Variants in ABHD12 observed in about 807,000 individuals in gnomAD.
The protein encoded by ABHD12 is lysophosphatidylserine lipase ABHD12.
ABHD12 carries 43 observed loss-of-function variants against 58.3 expected under a neutral mutation model. The observed-to-expected ratio is 0.74, with a 90% CI of 0.58 to 0.95. The LOEUF (loss-of-function observed/expected upper bound fraction) is 0.95, where lower values mean the gene tolerates loss of function less well. Ranked by LOEUF, ABHD12 falls within the 40% of genes least tolerant of loss-of-function variation. The probability of loss-of-function intolerance (pLI) is 0.00; values close to 1 mark genes in which losing one functional copy is unlikely to be tolerated. For synonymous variants in ABHD12, 219 were observed against 211.2 expected, an observed-to-expected ratio of 1.04 and a Z score of -0.32; for missense variants, 539 against 537.2, an observed-to-expected ratio of 1.00 and a Z score of -0.03.
chr20:25,359,730 T>C (rs1485331165), intron 1 of ABHD12, among the ~76,000 whole-genome samples: 1 of 151,784 alleles, frequency 6.6e-6, no homozygotes, highest in Non-Finnish European at 1.5e-5. Flanking sequence ...CCACCATGCC[T>C]GCTGAGTTTT....
intron 5 of ABHD12, among the ~76,000 whole-genome samples, chr20:25,315,699 A>G (rs2500433): frequency 0.62 from 93,848 of 152,022 alleles, 30,555 homozygotes; most frequent in African/African-American, 0.79. Context: ...CCTCAGCAGG[A>G]TGAATCATTT....
chr20:25,368,338 G>C (rs1403895472), intron 1 of ABHD12: 2 of 1,545,292 alleles, frequency 1.3e-6, no homozygotes, highest in Non-Finnish European at 1.8e-6. Context: ...TGGAACCACA[G>C]CGCTCCATGG....
chr20:25,315,099 T>C, intron 5 of ABHD12, 129 bp from the exon 6 acceptor site: 4 of 943,500 alleles, frequency 4.2e-6, no homozygotes, highest in Non-Finnish European at 5.1e-6. Flanking sequence ...TCATAAAGAC[T>C]GTGACATGCT....
intron 1 of ABHD12, among the ~76,000 whole-genome samples, chr20:25,377,196 T>C (rs190313025): frequency 1.3e-5 from 2 of 152,304 alleles, no homozygotes; most frequent in East Asian, 3.9e-4. Flanking sequence ...TGGCAGTCTT[T>C]TTTGCTTGCC....
At chr20:25,376,683 C>T (rs1273119532) in intron 1 of ABHD12, among the ~76,000 whole-genome samples, 3 of 152,134 alleles carry the variant, frequency 2.0e-5, no homozygotes, top group Non-Finnish European at 4.4e-5. Flanking sequence ...TCTTTGTTGC[C>T]GTGTTTCTCC....
At chr20:25,368,630 C>T in intron 1 of ABHD12, 2 of 1,371,502 alleles carry the variant, frequency 1.5e-6, no homozygotes, top group Non-Finnish European at 1.0e-6. Context: ...CCCTTAAAAC[C>T]AAATCCTTTC....
intron 3 of ABHD12, among the ~76,000 whole-genome samples, chr20:25,322,371 A>ATT (rs2089084287): frequency 4.2e-5 from 2 of 47,976 alleles, no homozygotes; most frequent in Non-Finnish European, 8.1e-5. Flanking sequence ...AGATATATAT[A>ATT]TATATATATA....
chr20:25,377,882 T>C (rs571870174), intron 1 of ABHD12, among the ~76,000 whole-genome samples: 86 of 152,220 alleles, frequency 5.6e-4, no homozygotes, highest in African/African-American at 1.9e-3. Flanking sequence ...ATTTTTAGGA[T>C]AGACGGGGTT....
At chr20:25,299,172 G>GC (rs2088595642), downstream of ABHD12, among the ~76,000 whole-genome samples, 1 of 152,240 alleles carries the variant, frequency 6.6e-6, no homozygotes, top group African/African-American at 2.4e-5. Flanking sequence ...AGAGGCCAAG[G>GC]CAGGAGGATT....
At chr20:25,383,954 CAAAAAAAAA>C (rs1201588127) in intron 1 of ABHD12, among the ~76,000 whole-genome samples, 119 of 53,364 alleles carry the variant, frequency 2.2e-3, no homozygotes, top group African/African-American at 5.8e-3. Context: ...GACTCTTTCT[CAAAAAAAAA>C]AAAAAAAAAA....
intron 1 of ABHD12, among the ~76,000 whole-genome samples, chr20:25,356,782 T>C (rs1182861536): frequency 6.6e-6 from 1 of 152,030 alleles, no homozygotes; most frequent in Non-Finnish European, 1.5e-5. Context: ...GCTGTGCATA[T>C]GAATGAGGCA....
chr20:25,346,668 G>A (rs998626229), intron 1 of ABHD12, among the ~76,000 whole-genome samples: 32 of 152,162 alleles, frequency 2.1e-4, no homozygotes, highest in Non-Finnish European at 4.4e-5. Flanking sequence ...ATTTTGAGAC[G>A]GAGCCTTGCT....
chr20:25,316,942 A>G lies in ABHD12; in HGVS notation c.573+106T>C, dbSNP rs1168630490. 2.9e-6 allele frequency: 3 copies of G among 1,047,858 alleles called. 1 individual carries two copies. The highest frequency in any genetic ancestry group is 3.1e-5 in the African/African-American group (2 of 63,936). 64.9% of individuals were successfully genotyped at this position (1,047,858 alleles called of 1,614,324 possible). ...AGGACCCTGTCTCACACACACAAACAGCCCAGCAATAGTTAACTCTCAAGC... is the reference window on the plus strand; with the variant it reads ...AGGACCCTGTCTCACACACACAAACGGCCCAGCAATAGTTAACTCTCAAGC... On this transcript the variant is annotated intron_variant, in intron 5 of 12. Transcript: ENST00000339157.
chr20:25,338,973 A>G, intron 2 of ABHD12: 1 of 1,257,802 alleles, frequency 8.0e-7, no homozygotes, highest in Non-Finnish European at 1.0e-6. Flanking sequence ...ACTAGCACAG[A>G]AAGTCCTCCA....
At chr20:25,314,193 G>A (rs1052453880) in intron 6 of ABHD12, among the ~76,000 whole-genome samples, 3 of 151,992 alleles carry the variant, frequency 2.0e-5, no homozygotes, top group Non-Finnish European at 2.9e-5. Context: ...GGCTGGTCAC[G>A]AACTCCTGAC....
intron 4 of ABHD12, among the ~76,000 whole-genome samples, chr20:25,317,646 G>T (rs2088986795): frequency 6.6e-6 from 1 of 152,234 alleles, no homozygotes; most frequent in African/African-American, 2.4e-5. Flanking sequence ...TATGCTCCTA[G>T]AATCTCCCCA....
intron 11 of ABHD12, 123 bp downstream of exon 11, chr20:25,303,427 T>C: frequency 6.5e-7 from 1 of 1,531,842 alleles, no homozygotes; most frequent in Non-Finnish European, 8.7e-7. Flanking sequence ...ACGTGGCTGG[T>C]GCGCAGCCCG....
At chr20:25,368,753 GTGGGGTTGACCA>G in intron 1 of ABHD12, 1 of 1,014,794 alleles carries the variant, frequency 9.9e-7, no homozygotes, top group East Asian at 2.9e-5. Context: ...TTGAAGAACA[GTGGGGTTGACCA>G]TGGCTGATAG....
At chr20:25,359,423 CAAAAAAAAAAA>C (rs565367954) in intron 1 of ABHD12, among the ~76,000 whole-genome samples, 1 of 63,126 alleles carries the variant, frequency 1.6e-5, no homozygotes, top group East Asian at 5.1e-4. Context: ...GACTCCGTCT[CAAAAAAAAAAA>C]AAAAAAAAAA....
Sources: gnomAD v4.1 joint callset for allele counts (sites outside exome capture counted in the v4.1 genomes callset) on GRCh38, gnomAD v4.1.1 for gene constraint, MANE v1.5 for transcripts, NCBI Gene and HGNC (gene_info 2026-07-23, HGNC 2026-07-21) for gene names.